CELF2: variants seen among roughly 807,000 people sequenced by gnomAD.
CELF2 encodes CUGBP Elav-like family member 2.
Under a neutral mutation model 62.6 loss-of-function variants are expected in CELF2, and 8 were observed. The ratio of observed to expected loss-of-function variants is 0.13; its 90% CI spans 0.07 to 0.23. CELF2 has a LOEUF of 0.23. Ranked by LOEUF, CELF2 falls within the 10% of genes least tolerant of loss-of-function variation. The probability of loss-of-function intolerance (pLI) is 1.00; values close to 1 mark genes in which losing one functional copy is unlikely to be tolerated. For synonymous variants in CELF2, 258 were observed against 250.0 expected, an observed-to-expected ratio of 1.03 and a Z score of -0.30; for missense variants, 333 against 671.0, an observed-to-expected ratio of 0.50 and a Z score of 5.56.
chr10:10,725,698 A>G, the CELF2 span, among the ~76,000 whole-genome samples: 2 of 152,202 alleles, frequency 1.3e-5, no homozygotes, highest in East Asian at 1.9e-4. Flanking sequence ...AGCATTTTCT[A>G]GGTGTAGTAA....
the CELF2 span, among the ~76,000 whole-genome samples, chr10:10,493,097 C>A: frequency 6.6e-6 from 1 of 152,192 alleles, no homozygotes; most frequent in Non-Finnish European, 1.5e-5. Flanking sequence ...TACGGTCACC[C>A]TCTAAAGGAA....
the CELF2 span, among the ~76,000 whole-genome samples, chr10:10,469,845 T>A: frequency 6.6e-6 from 1 of 151,882 alleles, no homozygotes; most frequent in African/African-American, 2.4e-5. Context: ...TTAATTAAAT[T>A]TTTCATTTTT....
the CELF2 span, among the ~76,000 whole-genome samples, chr10:10,478,503 A>AG: frequency 7.9e-5 from 12 of 151,742 alleles, no homozygotes; most frequent in Non-Finnish European, 1.6e-4. Context: ...TTGGAGAAAA[A>AG]AAATCAGTAA....
In CELF2 at chr10:11,300,835, T is replaced by C. The variant is rs1478853242; in HGVS notation, c.976+12283T>C. Among the ~76,000 whole-genome samples the C allele has an allele frequency of 6.6e-6, 1 of 152,100 alleles. No individual in the cohort carries two copies. The highest frequency in any genetic ancestry group is 1.5e-5 in the Non-Finnish European group (1 of 68,036). On this transcript the variant is annotated intron_variant, in intron 9 of 12. Transcript: ENST00000633077. The surrounding 1 kb of genome is among the most constrained non-coding windows in gnomAD (Gnocchi z 5.5). ...CAATGCAGGCGATTTTCTCCGTGTTTACAATGATTTTATTTCCTAAACCAC... is the reference window on the plus strand; with the variant it reads ...CAATGCAGGCGATTTTCTCCGTGTTCACAATGATTTTATTTCCTAAACCAC...
the CELF2 span, among the ~76,000 whole-genome samples, chr10:10,527,060 G>T: frequency 1.3e-5 from 2 of 152,120 alleles, no homozygotes; most frequent in Non-Finnish European, 1.5e-5. Context: ...CATGAAAAAG[G>T]GTTAATATTC....
the CELF2 span, among the ~76,000 whole-genome samples, chr10:10,482,466 G>A: frequency 3.3e-5 from 5 of 152,168 alleles, no homozygotes; most frequent in African/African-American, 9.6e-5. Flanking sequence ...CTGGGTTAAA[G>A]TGTTAAAAAA....
chr10:11,297,949 T>C lies in CELF2; in HGVS notation c.976+9397T>C, dbSNP rs1314295452. ...GTGAGCCGAGATCACGTCACTGCAC[T>C]CCAGCCCAGGTGACAAGAGCAAGGC... On this transcript the variant is annotated intron_variant, in intron 9 of 12. Transcript: ENST00000633077. This position sits in a 1 kb window ranked among gnomAD's most constrained non-coding sequence, Gnocchi z 4.4. Among the ~76,000 whole-genome samples, 2 of 152,214 alleles carry C rather than the reference T, an allele frequency of 1.3e-5. No homozygotes were observed. Among genetic ancestry groups the C allele is most frequent in the African/African-American group, 4.8e-5 (2 of 41,452 alleles).
At chr10:11,183,273 C>T (rs538791834) in intron 2 of CELF2, among the ~76,000 whole-genome samples, 8 of 152,336 alleles carry the variant, frequency 5.3e-5, no homozygotes, top group Admixed American at 5.2e-4. Flanking sequence ...TCATCCCCGT[C>T]ACTCATTGAT....
chr10:10,571,826 C>T, the CELF2 span, among the ~76,000 whole-genome samples: 2 of 152,064 alleles, frequency 1.3e-5, no homozygotes, highest in African/African-American at 2.4e-5. Context: ...TAGGCACGGA[C>T]GGAATTCTAT....
intron 2 of CELF2, among the ~76,000 whole-genome samples, chr10:11,167,557 A>G (rs1224243202): frequency 6.6e-6 from 1 of 152,224 alleles, no homozygotes; most frequent in Admixed American, 6.5e-5. Flanking sequence ...CCAGTCAGGT[A>G]AGTACCTATG....
At chr10:10,958,872 T>G (rs1284506546) in intron 2 of CELF2, among the ~76,000 whole-genome samples, 1 of 151,944 alleles carries the variant, frequency 6.6e-6, no homozygotes, top group Non-Finnish European at 1.5e-5. Context: ...AAACAAAGAA[T>G]AGGGCCACGA....
the CELF2 span, among the ~76,000 whole-genome samples, chr10:10,487,405 T>A: frequency 6.6e-6 from 1 of 152,204 alleles, no homozygotes; most frequent in South Asian, 2.1e-4. Flanking sequence ...GCCTGGTTGA[T>A]TTTGTCTTGC....
chr10:11,235,092 T>G (rs140932444), intron 3 of CELF2, among the ~76,000 whole-genome samples: 76 of 152,160 alleles, frequency 5.0e-4, no homozygotes, highest in South Asian at 4.6e-3. Context: ...ACTCAGACCT[T>G]ACGCTTCTGT....
At chr10:10,823,849 T>C (rs2057167645) in intron 1 of CELF2, among the ~76,000 whole-genome samples, 1 of 152,172 alleles carries the variant, frequency 6.6e-6, no homozygotes, top group Non-Finnish European at 1.5e-5. Flanking sequence ...AGCATAAAAC[T>C]TGTTCAAACA....
chr10:10,653,457 A>G, the CELF2 span, among the ~76,000 whole-genome samples: 1 of 147,116 alleles, frequency 6.8e-6, no homozygotes, highest in Non-Finnish European at 1.5e-5. Flanking sequence ...AATTGACCAC[A>G]TACTTGGAAG....
chr10:10,988,961 C>G (rs2053135137), intron 2 of CELF2, among the ~76,000 whole-genome samples: 1 of 151,994 alleles, frequency 6.6e-6, no homozygotes, highest in Non-Finnish European at 1.5e-5. Flanking sequence ...AGTGAAAAAA[C>G]TAAAAATCTG....
chr10:10,760,584 A>G, the CELF2 span, among the ~76,000 whole-genome samples: 1 of 152,192 alleles, frequency 6.6e-6, no homozygotes, highest in Non-Finnish European at 1.5e-5. Context: ...GGGGATGTGT[A>G]TGATGAAAGC....
the CELF2 span, among the ~76,000 whole-genome samples, chr10:10,640,470 T>C: frequency 6.6e-6 from 1 of 152,146 alleles, no homozygotes; most frequent in Non-Finnish European, 1.5e-5. Flanking sequence ...CTTCCCCTCC[T>C]CCCACCACCA....
the CELF2 span, among the ~76,000 whole-genome samples, chr10:10,518,767 CA>C: frequency 6.6e-6 from 1 of 151,612 alleles, no homozygotes; most frequent in African/African-American, 2.4e-5. Flanking sequence ...ATGAAGGGGC[CA>C]CTTGTAAGGA....
Sources: allele counts gnomAD v4.1 joint callset (sites outside exome capture counted in the v4.1 genomes callset), GRCh38; gene constraint gnomAD v4.1.1; non-coding constraint Gnocchi (gnomAD v3.1); transcripts MANE v1.5; gene names NCBI Gene and HGNC (gene_info 2026-07-23, HGNC 2026-07-21).